Variants in TNRC6C observed in about 807,000 individuals in gnomAD.
The protein encoded by TNRC6C is trinucleotide repeat-containing gene 6C protein.
A neutral mutation model predicts 153.7 loss-of-function variants in TNRC6C; 20 were observed. The ratio of observed to expected loss-of-function variants is 0.13; its 90% CI spans 0.09 to 0.19. TNRC6C has a LOEUF of 0.19. TNRC6C is among the 10% of genes least tolerant of loss of function. The pLI is 1.00. For missense variants in TNRC6C, 1,987 were observed against 2,172.0 expected, an observed-to-expected ratio of 0.91 and a Z score of 1.69; for synonymous variants, 811 against 841.4, an observed-to-expected ratio of 0.96 and a Z score of 0.63.
intron 11 of TNRC6C, among the ~76,000 whole-genome samples, chr17:78,084,353 A>G (rs2073238508): frequency 6.6e-6 from 1 of 151,302 alleles, no homozygotes. Context: ...TGGGAACTCC[A>G]AAAGACAGAA....
chr17:77,960,383 A>G (rs1281277922), intron 1 of TNRC6C, among the ~76,000 whole-genome samples: 1 of 152,220 alleles, frequency 6.6e-6, no homozygotes, highest in Non-Finnish European at 1.5e-5. Context: ...TACTTCGGCC[A>G]GTACAAGGTA....
rs2073643880 is a variant in TNRC6C at position 78,104,002 on chromosome 17, G to A, written c.4712+449G>A. On this transcript the variant is annotated intron_variant, in intron 19 of 19. Transcript: ENST00000301624. The surrounding 1 kb of genome is among the most constrained non-coding windows in gnomAD (Gnocchi z 6.2). ...GGCGACACAGGTCAGTTCCTCACAG[G>A]TATCTTGGGACTTACTGGTTTTTTT... 6.6e-6 allele frequency among the ~76,000 whole-genome samples: 1 copy of A among 152,158 alleles called. No individual in the cohort carries two copies. Among genetic ancestry groups the A allele is most frequent in the Admixed American group, 6.5e-5 (1 of 15,282 alleles).
chr17:78,079,595 C>T lies in TNRC6C; in HGVS notation c.3357+54C>T, dbSNP rs1333970882. The T allele has an allele frequency of 8.8e-6, 14 of 1,591,966 alleles. No individual in the cohort carries two copies. The East Asian group carries it at 1.1e-4, about 13-fold the overall frequency. On this transcript the variant is annotated intron_variant, in intron 10 of 19. Transcript: ENST00000301624. This position sits in a 1 kb window ranked among gnomAD's most constrained non-coding sequence, Gnocchi z 4.3. ...CAACAGGATATAGATGCCAGTGTTTCGTGGGGTCCTGTGTTATCTGGAAGT... is the reference window on the plus strand; with the variant it reads ...CAACAGGATATAGATGCCAGTGTTTTGTGGGGTCCTGTGTTATCTGGAAGT...
At chr17:77,990,080 G>T (rs1237246694) in intron 1 of TNRC6C, among the ~76,000 whole-genome samples, 1 of 152,128 alleles carries the variant, frequency 6.6e-6, no homozygotes, top group Non-Finnish European at 1.5e-5. Flanking sequence ...TAGTCACACT[G>T]GTGAGAAGCC....
chr17:78,100,494 C>T (rs1246379835), intron 17 of TNRC6C, among the ~76,000 whole-genome samples: 1 of 152,220 alleles, frequency 6.6e-6, no homozygotes, highest in Non-Finnish European at 1.5e-5. Flanking sequence ...CCAAACTGTA[C>T]CTTGGCCCCT....
At chr17:77,997,554 A>G (rs2071346648) in intron 1 of TNRC6C, among the ~76,000 whole-genome samples, 1 of 152,158 alleles carries the variant, frequency 6.6e-6, no homozygotes, top group Non-Finnish European at 1.5e-5. Context: ...ACTTCATTGA[A>G]ACCACTTCTC....
At chr17:78,002,377 T>C (rs965654561), upstream of TNRC6C, among the ~76,000 whole-genome samples, 1 of 152,180 alleles carries the variant, frequency 6.6e-6, no homozygotes, top group African/African-American at 2.4e-5. Flanking sequence ...CATAATCTCA[T>C]TTAAAGCCAG....
At chr17:78,063,701 A>G (rs9893684) in intron 3 of TNRC6C, among the ~76,000 whole-genome samples, 20,937 of 152,126 alleles carry the variant, frequency 0.14, 1,669 homozygotes, top group African/African-American at 0.22. Flanking sequence ...GTGGTACCAT[A>G]GAAACTGTCT....
At chr17:78,006,475 T>C (rs1307492086) in intron 1 of TNRC6C, among the ~76,000 whole-genome samples, 1 of 149,574 alleles carries the variant, frequency 6.7e-6, no homozygotes, top group African/African-American at 2.5e-5. Flanking sequence ...ATCATCCATT[T>C]CTTCTTCTTC....
intron 14 of TNRC6C, among the ~76,000 whole-genome samples, chr17:78,092,456 G>A (rs1215899227): frequency 6.6e-6 from 1 of 152,190 alleles, no homozygotes; most frequent in Non-Finnish European, 1.5e-5. Context: ...CTCATAAGTT[G>A]TCCCCAAAAA....
chr17:78,070,114 C>G (rs1386335747), intron 5 of TNRC6C, among the ~76,000 whole-genome samples: 5 of 152,200 alleles, frequency 3.3e-5, no homozygotes, highest in Non-Finnish European at 7.3e-5. Flanking sequence ...AATCAGAGCT[C>G]TCCGCTCATG....
intron 2 of TNRC6C, among the ~76,000 whole-genome samples, chr17:78,042,565 A>ATT (rs67678607): frequency 1.4e-5 from 2 of 145,274 alleles, no homozygotes; most frequent in South Asian, 2.2e-4. Flanking sequence ...CATTTCACAG[A>ATT]TTTTTTTTTT....
intron 1 of TNRC6C, among the ~76,000 whole-genome samples, chr17:77,996,149 A>G (rs919704658): frequency 2.0e-5 from 3 of 152,234 alleles, no homozygotes; most frequent in African/African-American, 7.2e-5. Context: ...TTATAGTGGT[A>G]AAAGTGTTTA....
At chr17:78,101,620 TA>T (rs952500216) in intron 17 of TNRC6C, among the ~76,000 whole-genome samples, 56 of 152,222 alleles carry the variant, frequency 3.7e-4, no homozygotes, top group Middle Eastern at 6.8e-3. Flanking sequence ...AACAGAGATT[TA>T]CCCACGTATT....
chr17:78,088,811 T>G (rs1240533770), intron 13 of TNRC6C, among the ~76,000 whole-genome samples: 1 of 152,042 alleles, frequency 6.6e-6, no homozygotes, highest in African/African-American at 2.4e-5. Context: ...AGCAAACACT[T>G]TGTAAAATGT....
At chr17:77,958,947 C>T (rs1598632166), upstream of TNRC6C, among the ~76,000 whole-genome samples, 2 of 146,008 alleles carry the variant, frequency 1.4e-5, no homozygotes, top group Non-Finnish European at 3.0e-5. Flanking sequence ...CCGCAGCTGC[C>T]ACCGCCGCCG....
chr17:77,997,358 C>T (rs2071344140), intron 1 of TNRC6C, among the ~76,000 whole-genome samples: 3 of 152,158 alleles, frequency 2.0e-5, no homozygotes, highest in East Asian at 1.9e-4. Context: ...ACCACCCTTC[C>T]GAAGTATAGG....
intron 14 of TNRC6C, 76 bp from the exon 17 acceptor site, chr17:78,092,857 G>C: frequency 7.5e-7 from 1 of 1,335,572 alleles, no homozygotes; most frequent in East Asian, 2.4e-5. Flanking sequence ...GGTACATAGG[G>C]AGGCTTAGGG....
intron 19 of TNRC6C, 36 bp downstream of exon 22, chr17:78,103,589 A>G (rs1272856403): frequency 6.2e-7 from 1 of 1,612,700 alleles, no homozygotes; most frequent in Admixed American, 1.7e-5. Flanking sequence ...CGCTCCAAGT[A>G]GCTCCCCATC....
Sources: allele counts gnomAD v4.1 joint callset (sites outside exome capture counted in the v4.1 genomes callset), GRCh38; gene constraint gnomAD v4.1.1; non-coding constraint Gnocchi (gnomAD v3.1); transcripts MANE v1.5; gene names NCBI Gene and HGNC (gene_info 2026-07-23, HGNC 2026-07-21).